EVL: variants seen among roughly 807,000 people sequenced by gnomAD.
EVL encodes ena/VASP-like protein.
A neutral mutation model predicts 59.6 loss-of-function variants in EVL; 21 were observed. The ratio of observed to expected loss-of-function variants is 0.35; its 90% CI spans 0.25 to 0.51. The LOEUF (loss-of-function observed/expected upper bound fraction) is 0.51. Among genes scored for constraint, EVL ranks in the 20% least tolerant of loss-of-function variants. EVL has a pLI of 0.97. For missense variants in EVL, 462 were observed against 546.6 expected (o/e 0.85, Z 1.54); for synonymous variants, 198 against 203.5 (o/e 0.97, Z 0.23).
At chr14:100,075,884 C>T (rs1444900175) in intron 1 of EVL, among the ~76,000 whole-genome samples, 1 of 152,200 alleles carries the variant, frequency 6.6e-6, no homozygotes, top group Non-Finnish European at 1.5e-5. Flanking sequence ...ACAATAACTC[C>T]TCCTACAAAG....
At chr14:100,046,781 C>G (rs1291355073) in intron 1 of EVL, among the ~76,000 whole-genome samples, 2 of 131,624 alleles carry the variant, frequency 1.5e-5, no homozygotes, top group African/African-American at 5.8e-5. Context: ...GAGGAAGAGT[C>G]TTGCTCTGTT....
At chr14:100,097,813 T>G in intron 3 of EVL, 155 bp downstream of exon 3, 2 of 607,414 alleles carry the variant, frequency 3.3e-6, no homozygotes. Context: ...GCCTTTAGAT[T>G]TAGAGATATT....
At position 99,983,903 on chromosome 14, in the gene EVL, A is replaced by G. The variant is rs548097704; in HGVS notation, c.5+11846A>G. ...TATTTCCTCTTCTGTAACTGTTTAT[A>G]TGTATGTAATTACTTAAAATTTCCC... is the stretch of plus-strand genomic sequence containing the variant. On this transcript the variant is annotated intron_variant, in intron 1 of 13. Coordinates refer to the EVL transcript ENST00000402714. Among the ~76,000 whole-genome samples, 12 of 152,168 alleles carry G rather than the reference A, an allele frequency of 7.9e-5. No individual in the cohort carries two copies. In the South Asian group the frequency reaches 2.3e-3, roughly 29 times the overall value.
intron 1 of EVL, among the ~76,000 whole-genome samples, chr14:99,986,479 T>C (rs2060841359): frequency 1.3e-5 from 2 of 152,038 alleles, no homozygotes; most frequent in South Asian, 4.2e-4. Context: ...CTGAATCAGA[T>C]AGTGTCCCAA....
intron 3 of EVL, among the ~76,000 whole-genome samples, chr14:100,121,034 G>A (rs1027757538): frequency 6.6e-6 from 1 of 152,214 alleles, no homozygotes; most frequent in Non-Finnish European, 1.5e-5. Flanking sequence ...CAGCTCGGGC[G>A]ACGAGAGGTG....
At chr14:99,989,372 T>TC (rs1381125671) in intron 1 of EVL, among the ~76,000 whole-genome samples, 1 of 152,236 alleles carries the variant, frequency 6.6e-6, no homozygotes, top group African/African-American at 2.4e-5. Context: ...ATAATTATAT[T>TC]CCACTTTTGT....
chr14:100,098,192 C>T (rs945934461), intron 3 of EVL, among the ~76,000 whole-genome samples: 7 of 152,142 alleles, frequency 4.6e-5, no homozygotes, highest in African/African-American at 1.7e-4. Context: ...AATAAAGGTA[C>T]GTGCAAGGTA....
rs1889369492 is a variant in EVL, at chr14:100,143,957, T to C, written c.*219T>C. 1.8e-6 allele frequency: 1 copy of C among 556,018 alleles called. No homozygotes were observed. The highest frequency in any genetic ancestry group is 3.2e-6 in the Non-Finnish European group (1 of 315,468). The allele number at this position is 556,018 out of a possible 1,614,324, so 34.4% of individuals were successfully genotyped here. A position where few individuals can be genotyped will look rare whatever the true frequency, so the allele number is the denominator to read the frequency against. ...GCCTGACACGGAACACCAGGTCTGC[T>C]CGTCTTTTTTGTGTTTTATATTTGC... On this transcript the variant is annotated 3_prime_UTR_variant, in exon 14 of 14. Transcript: ENST00000392920.
upstream of EVL, among the ~76,000 whole-genome samples, chr14:100,061,472 A>C (rs1311035766): frequency 6.7e-6 from 1 of 150,316 alleles, no homozygotes; most frequent in African/African-American, 2.4e-5. Context: ...AAAAAAAAAA[A>C]AAAAAAAAAG....
intron 1 of EVL, among the ~76,000 whole-genome samples, chr14:100,081,018 C>A (rs1314428631): frequency 1.3e-5 from 2 of 152,150 alleles, no homozygotes; most frequent in Non-Finnish European, 2.9e-5. Context: ...TGCCAGTAAT[C>A]CCAGCACTTC....
intron 2 of EVL, among the ~76,000 whole-genome samples, chr14:100,091,394 C>T (rs1298309312): frequency 6.6e-6 from 1 of 151,950 alleles, no homozygotes; most frequent in Non-Finnish European, 1.5e-5. Context: ...GGTTTCCCCA[C>T]TCTGTTATTG....
intron 1 of EVL, among the ~76,000 whole-genome samples, chr14:99,991,046 T>C (rs568273006): frequency 6.6e-6 from 1 of 152,134 alleles, no homozygotes; most frequent in African/African-American, 2.4e-5. Flanking sequence ...TTTTTGGAGA[T>C]TTGTGACAAT....
chr14:100,028,285 G>C (rs555360190), intron 1 of EVL, among the ~76,000 whole-genome samples: 1 of 152,044 alleles, frequency 6.6e-6, no homozygotes, highest in South Asian at 2.1e-4. Flanking sequence ...TGATAAAACT[G>C]TGTGAGATGC....
At chr14:100,131,352 C>G (rs1888424094) in intron 7 of EVL, among the ~76,000 whole-genome samples, 2 of 152,172 alleles carry the variant, frequency 1.3e-5, no homozygotes, top group Non-Finnish European at 2.9e-5. Context: ...AACAAACATG[C>G]TTTGCATAGC....
chr14:100,105,693 G>A lies in EVL; in HGVS notation c.358+8035G>A, dbSNP rs78933072. Among the ~76,000 whole-genome samples the A allele has an allele frequency of 2.4e-4, 36 of 151,998 alleles. No homozygotes were observed. The East Asian group carries it at 4.5e-3, about 19-fold the overall frequency. On this transcript the variant is annotated intron_variant, in intron 3 of 13. Transcript: ENST00000392920. Reference sequence around the variant, plus strand: ...GTCTGTGAAATGTAGGTGGTTATCCGTGGCATGTCTGTCTCGCAGCATGAG... The same window carrying A: ...GTCTGTGAAATGTAGGTGGTTATCCATGGCATGTCTGTCTCGCAGCATGAG...
intron 1 of EVL, among the ~76,000 whole-genome samples, chr14:99,985,323 GCCT>G (rs2140173586): frequency 6.6e-6 from 1 of 151,988 alleles, no homozygotes; most frequent in East Asian, 1.9e-4. Context: ...TTTGAGATGG[GCCT>G]AGGGGAACTG....
In EVL at chr14:100,143,775, C is replaced by G; in HGVS notation, c.*37C>G. ...CGCTGCGCTGATTCGTCGAGCCCAT[C>G]CGGCGACAGAGGACAGCCAGAAGCC... is the stretch of plus-strand genomic sequence containing the variant. On this transcript the variant is annotated 3_prime_UTR_variant, in exon 14 of 14. Coordinates refer to ENST00000392920, the MANE Select transcript of EVL (RefSeq NM_016337.3). 1.2e-6 allele frequency: 2 copies of G among 1,605,000 alleles called. No homozygotes were observed. The highest frequency in any genetic ancestry group is 1.7e-6 in the Non-Finnish European group (2 of 1,176,060).
chr14:100,122,851 C>T (rs1002466056), intron 3 of EVL, among the ~76,000 whole-genome samples: 6 of 152,216 alleles, frequency 3.9e-5, no homozygotes, highest in Admixed American at 6.5e-5. Flanking sequence ...CAGCAGACTT[C>T]GCCTATGCCG....
chr14:100,046,813 C>T (rs1186339449), intron 1 of EVL, among the ~76,000 whole-genome samples: 2 of 139,698 alleles, frequency 1.4e-5, no homozygotes, highest in Non-Finnish European at 1.5e-5. Context: ...AGTGCAGTGG[C>T]GCGACCTCGG....
Sources: gnomAD v4.1 joint callset for allele counts (sites outside exome capture counted in the v4.1 genomes callset) on GRCh38, gnomAD v4.1.1 for gene constraint, MANE v1.5 for transcripts, NCBI Gene and HGNC (gene_info 2026-07-23, HGNC 2026-07-21) for gene names.